ARHGAP24: variants seen among roughly 807,000 people sequenced by gnomAD.
The protein encoded by ARHGAP24 is rho GTPase-activating protein 24.
Under a neutral mutation model 76.4 loss-of-function variants are expected in ARHGAP24, and 50 were observed. The observed-to-expected ratio is 0.65, with a 90% CI of 0.52 to 0.83. ARHGAP24 has a LOEUF of 0.83. Ranked by LOEUF, ARHGAP24 falls within the 40% of genes least tolerant of loss-of-function variation. The pLI is 0.00. For synonymous variants in ARHGAP24, 345 were observed against 323.3 expected (o/e 1.07, Z -0.72); for missense variants, 930 against 914.2 (o/e 1.02, Z -0.22).
Position 85,628,622 on chromosome 4 carries a change from T to A in ARHGAP24, c.180+57901T>A, listed in dbSNP as rs548682424. Among the ~76,000 whole-genome samples the A allele has an allele frequency of 1.4e-4, 22 of 152,344 alleles. No homozygotes were observed. In the East Asian group the frequency reaches 3.9e-3, roughly 27 times the overall value. The stretch of plus-strand genomic sequence containing the variant: ...ACTGAAATCCTCTATGATTATTGTA[T>A]TGCTGTCTATTTATCTCTTCAGTTC... On this transcript the variant is annotated intron_variant, in intron 2 of 9. Coordinates refer to ENST00000395184, the MANE Select transcript of ARHGAP24 (RefSeq NM_001025616.3).
chr4:85,897,440 G>A (rs1327408402), intron 3 of ARHGAP24, among the ~76,000 whole-genome samples: 1 of 152,124 alleles, frequency 6.6e-6, no homozygotes, highest in African/African-American at 2.4e-5. Flanking sequence ...ACCTGTTGAT[G>A]GGAAAATGTT....
intron 9 of ARHGAP24, among the ~76,000 whole-genome samples, chr4:85,997,365 G>A (rs1269088872): frequency 4.5e-4 from 47 of 103,472 alleles, no homozygotes; most frequent in Middle Eastern, 4.4e-3. Flanking sequence ...ATAGATAGAT[G>A]ATAGATATAG....
chr4:85,762,487 ATAT>A (rs1441848491), intron 3 of ARHGAP24, among the ~76,000 whole-genome samples: 1 of 152,172 alleles, frequency 6.6e-6, no homozygotes, highest in Non-Finnish European at 1.5e-5. Flanking sequence ...AAGCTAACAA[ATAT>A]TATTATTAAC....
intron 3 of ARHGAP24, among the ~76,000 whole-genome samples, chr4:85,730,433 G>T (rs1006272595): frequency 7.1e-6 from 1 of 141,436 alleles, no homozygotes; most frequent in Non-Finnish European, 1.5e-5. Flanking sequence ...TTGAGACAGG[G>T]TCTCACTCTG....
At chr4:85,546,081 G>A (rs1725910294) in intron 1 of ARHGAP24, among the ~76,000 whole-genome samples, 1 of 152,136 alleles carries the variant, frequency 6.6e-6, no homozygotes, top group South Asian at 2.1e-4. Flanking sequence ...TGCCTATAAA[G>A]TGGAAATAAT....
At chr4:85,731,360 A>G (rs1248147753) in intron 3 of ARHGAP24, among the ~76,000 whole-genome samples, 1 of 152,090 alleles carries the variant, frequency 6.6e-6, no homozygotes, top group East Asian at 1.9e-4. Flanking sequence ...TTCCTTCCCT[A>G]TTAGATTGGA....
chr4:85,861,000 G>GCGCACA (rs71657503), intron 3 of ARHGAP24, among the ~76,000 whole-genome samples: 15 of 137,510 alleles, frequency 1.1e-4, no homozygotes, highest in African/African-American at 4.1e-4. Flanking sequence ...GTGCATGCAC[G>GCGCACA]CACACACACA....
chr4:85,646,398 A>G (rs1455619157), intron 2 of ARHGAP24, among the ~76,000 whole-genome samples: 3 of 152,086 alleles, frequency 2.0e-5, no homozygotes, highest in African/African-American at 4.8e-5. Context: ...TGGTTTTCAA[A>G]TAGAAACAAT....
chr4:85,691,254 CT>C (rs1462134990), intron 2 of ARHGAP24, among the ~76,000 whole-genome samples: 1 of 151,982 alleles, frequency 6.6e-6, no homozygotes, highest in African/African-American at 2.4e-5. Flanking sequence ...TTGAGACTTT[CT>C]TTATGACCAA....
chr4:85,512,703 T>C (rs1724330444), intron 1 of ARHGAP24, among the ~76,000 whole-genome samples: 1 of 152,208 alleles, frequency 6.6e-6, no homozygotes, highest in Non-Finnish European at 1.5e-5. Context: ...TCTCCATAAC[T>C]TGTCACAAAA....
intron 3 of ARHGAP24, among the ~76,000 whole-genome samples, chr4:85,789,551 A>G (rs1281972701): frequency 6.6e-6 from 1 of 152,202 alleles, no homozygotes; most frequent in Non-Finnish European, 1.5e-5. Context: ...ATCTGATGCT[A>G]CAGAGTATGA....
chr4:85,778,872 C>T, intron 3 of ARHGAP24: 1 of 985,272 alleles, frequency 1.0e-6, no homozygotes, highest in Non-Finnish European at 1.2e-6. Flanking sequence ...ACTTTTTTGC[C>T]AAAAGAATTA....
intron 1 of ARHGAP24, among the ~76,000 whole-genome samples, chr4:85,545,898 G>A (rs6829628): frequency 1.3e-5 from 2 of 151,906 alleles, no homozygotes; most frequent in African/African-American, 2.4e-5. Flanking sequence ...TGAATGTCTG[G>A]GGCTATTCTA....
intron 3 of ARHGAP24, among the ~76,000 whole-genome samples, chr4:85,855,773 A>G (rs893207522): frequency 1.8e-4 from 2 of 11,302 alleles, no homozygotes; most frequent in African/African-American, 6.5e-4. Flanking sequence ...AGCAAAAAAG[A>G]AAAAAAAAAA....
chr4:85,927,573 T>G (rs1736086527), intron 4 of ARHGAP24, among the ~76,000 whole-genome samples: 1 of 152,230 alleles, frequency 6.6e-6, no homozygotes, highest in Admixed American at 6.5e-5. Context: ...TTTCCCTTCC[T>G]ATCTTAGTTA....
rs894019868 is a variant in ARHGAP24, at chr4:85,608,305, T to C, written c.180+37584T>C. Among the ~76,000 whole-genome samples the C allele has an allele frequency of 3.9e-5, 6 of 152,166 alleles. No individual in the cohort carries two copies. In the South Asian group the frequency reaches 1.2e-3, roughly 32 times the overall value. On this transcript the variant is annotated intron_variant, in intron 2 of 9. Transcript: ENST00000395184. Reference sequence around the variant, plus strand: ...TTTTTTAAGGATGCCAATTACCTAATGCATCTCTATTTTTGTCAATAAAGG... The same window carrying C: ...TTTTTTAAGGATGCCAATTACCTAACGCATCTCTATTTTTGTCAATAAAGG...
intron 5 of ARHGAP24, 68 bp downstream of exon 5, chr4:85,942,341 G>C: frequency 6.6e-7 from 1 of 1,526,526 alleles, no homozygotes; most frequent in Non-Finnish European, 9.1e-7. Flanking sequence ...GATGCAGTGA[G>C]CTGAGGAGGC....
intron 1 of ARHGAP24, among the ~76,000 whole-genome samples, chr4:85,564,520 AT>A (rs1466164868): frequency 2.0e-5 from 3 of 151,810 alleles, no homozygotes; most frequent in Non-Finnish European, 2.9e-5. Context: ...GTGCACATGG[AT>A]CCTAGAACTT....
At chr4:85,591,760 A>C (rs1476106465) in intron 2 of ARHGAP24, among the ~76,000 whole-genome samples, 1 of 152,232 alleles carries the variant, frequency 6.6e-6, no homozygotes, top group Non-Finnish European at 1.5e-5. Flanking sequence ...AAGTGGATTT[A>C]GAGTTCTGGG....
Sources: allele counts gnomAD v4.1 joint callset (sites outside exome capture counted in the v4.1 genomes callset), GRCh38; gene constraint gnomAD v4.1.1; transcripts MANE v1.5; gene names NCBI Gene and HGNC (gene_info 2026-07-23, HGNC 2026-07-21).